Variants in AMBRA1 observed in about 807,000 individuals in gnomAD.
AMBRA1 encodes activating molecule in BECN1-regulated autophagy protein 1.
A neutral mutation model predicts 125.4 loss-of-function variants in AMBRA1; 47 were observed. That is an observed-to-expected ratio of 0.37 (90% CI 0.30 to 0.48). The LOEUF is 0.48. AMBRA1 is among the 20% of genes least tolerant of loss of function. AMBRA1 has a pLI of 0.99. For synonymous variants in AMBRA1, 626 were observed against 655.5 expected, an observed-to-expected ratio of 0.95 and a Z score of 0.69; for missense variants, 1,331 against 1,693.4, an observed-to-expected ratio of 0.79 and a Z score of 3.76.
At chr11:46,587,612 G>T (rs2044449596) in intron 1 of AMBRA1, among the ~76,000 whole-genome samples, 1 of 152,164 alleles carries the variant, frequency 6.6e-6, no homozygotes. Flanking sequence ...AGGATGCTAT[G>T]ACTGAAGACT....
chr11:46,590,828 G>T (rs1001884031), intron 1 of AMBRA1, among the ~76,000 whole-genome samples: 1 of 151,642 alleles, frequency 6.6e-6, no homozygotes, highest in African/African-American at 2.4e-5. Context: ...CAGGAGAATT[G>T]CTTCAATCCG....
intron 7 of AMBRA1, among the ~76,000 whole-genome samples, chr11:46,520,946 C>T (rs2135092567): frequency 6.6e-6 from 1 of 152,244 alleles, no homozygotes; most frequent in South Asian, 2.1e-4. Context: ...CTTCTCAAGT[C>T]ACCCAGTAAC....
At chr11:46,468,809 C>T (rs1245362332) in intron 11 of AMBRA1, among the ~76,000 whole-genome samples, 3 of 131,980 alleles carry the variant, frequency 2.3e-5, no homozygotes, top group East Asian at 2.1e-4. Flanking sequence ...AGTGAGGCTC[C>T]GTCTCAAAAA....
Position 46,397,065 on chromosome 11 carries a change from CCT to C in AMBRA1, c.*383_*384del, listed in dbSNP as rs1945493998. 1 of 169,098 alleles carries C rather than the reference CCT, an allele frequency of 5.9e-6. No individual in the cohort carries two copies. Among genetic ancestry groups the C allele is most frequent in the African/African-American group, 2.4e-5 (1 of 42,108 alleles). 10.5% of individuals were successfully genotyped at this position (169,098 alleles called of 1,614,324 possible). A position where few individuals can be genotyped will look rare whatever the true frequency, so the allele number is the denominator to read the frequency against. ...GGACAGGGCAAAGCTGCCTCGCGGG[CCT>C]CTGTCCAGGATGATTGGCCCAGATC... On this transcript the variant is annotated 3_prime_UTR_variant, in exon 18 of 18. Coordinates refer to ENST00000683756, the MANE Select transcript of AMBRA1 (RefSeq NM_001387011.1).
At chr11:46,412,861 T>G (rs368397049) in intron 15 of AMBRA1, among the ~76,000 whole-genome samples, 1 of 152,190 alleles carries the variant, frequency 6.6e-6, no homozygotes, top group African/African-American at 2.4e-5. Flanking sequence ...ATCTCTGTTT[T>G]TGGTGAGCAA....
chr11:46,528,990 C>A (rs993076893), intron 7 of AMBRA1, among the ~76,000 whole-genome samples: 1 of 152,172 alleles, frequency 6.6e-6, no homozygotes, highest in African/African-American at 2.4e-5. Context: ...ACAATGTTAA[C>A]AAGCTGCAAT....
chr11:46,551,327 T>A (rs1591099987), intron 1 of AMBRA1, among the ~76,000 whole-genome samples: 1 of 151,564 alleles, frequency 6.6e-6, no homozygotes, highest in African/African-American at 2.4e-5. Flanking sequence ...TTTTATTTTT[T>A]AAAGAAACAG....
chr11:46,530,568 A>G (rs1012269719), intron 7 of AMBRA1: 1 of 152,248 alleles, frequency 6.6e-6, no homozygotes, highest in African/African-American at 2.4e-5. Flanking sequence ...GAATCCCACA[A>G]GAGCCAATAC....
chr11:46,514,302 C>T (rs1951386735), intron 7 of AMBRA1, among the ~76,000 whole-genome samples: 2 of 152,194 alleles, frequency 1.3e-5, no homozygotes, highest in African/African-American at 2.4e-5. Context: ...GGGGAAGAGA[C>T]ATAGCAAAGG....
chr11:46,575,079 C>T (rs565489469), intron 1 of AMBRA1, among the ~76,000 whole-genome samples: 44 of 152,210 alleles, frequency 2.9e-4, no homozygotes, highest in African/African-American at 7.7e-4. Flanking sequence ...GTTCAACTAG[C>T]ATAAACAAAC....
At chr11:46,513,260 TC>T (rs1951337161) in intron 7 of AMBRA1, among the ~76,000 whole-genome samples, 2 of 144,848 alleles carry the variant, frequency 1.4e-5, no homozygotes, top group Admixed American at 6.8e-5. Flanking sequence ...CTGCCTACGC[TC>T]TTTTTTCTTT....
At chr11:46,565,585 C>T (rs774195909) in intron 1 of AMBRA1, among the ~76,000 whole-genome samples, 2 of 151,764 alleles carry the variant, frequency 1.3e-5, no homozygotes, top group Non-Finnish European at 2.9e-5. Flanking sequence ...CATGTACCTG[C>T]GGTCCCAGTT....
chr11:46,499,962 AT>A (rs1274187732), intron 9 of AMBRA1, among the ~76,000 whole-genome samples: 1 of 151,988 alleles, frequency 6.6e-6, no homozygotes, highest in Non-Finnish European at 1.5e-5. Flanking sequence ...GACAGGGGAA[AT>A]TTTTCTAAGA....
intron 11 of AMBRA1, among the ~76,000 whole-genome samples, chr11:46,468,621 A>C (rs1949432819): frequency 6.6e-6 from 1 of 150,380 alleles, no homozygotes; most frequent in Admixed American, 6.6e-5. Context: ...ACACCGTGAA[A>C]CCCCGTCTCT....
intron 9 of AMBRA1, chr11:46,504,802 T>C (rs1334419282): frequency 6.6e-6 from 1 of 152,190 alleles, no homozygotes; most frequent in Non-Finnish European, 1.5e-5. Flanking sequence ...GGTACATCAT[T>C]TTCAAAGGTT....
At chr11:46,537,698 A>C (rs1952544428) in intron 7 of AMBRA1, among the ~76,000 whole-genome samples, 1 of 152,222 alleles carries the variant, frequency 6.6e-6, no homozygotes, top group African/African-American at 2.4e-5. Flanking sequence ...TGTACTGGTT[A>C]TTACCACTTG....
chr11:46,553,579 T>C (rs1056801628), intron 1 of AMBRA1, among the ~76,000 whole-genome samples: 2 of 151,938 alleles, frequency 1.3e-5, no homozygotes, highest in Non-Finnish European at 2.9e-5. Flanking sequence ...ACCCTGTCTC[T>C]ACTAAAAATA....
chr11:46,583,658 A>C (rs2044258890), intron 1 of AMBRA1, among the ~76,000 whole-genome samples: 2 of 128,576 alleles, frequency 1.6e-5, no homozygotes, highest in Non-Finnish European at 3.1e-5. Flanking sequence ...TTTCCAAAAA[A>C]AAAAAAAAAA....
At chr11:46,445,531 A>G (rs1255001761) in intron 11 of AMBRA1, among the ~76,000 whole-genome samples, 1 of 152,190 alleles carries the variant, frequency 6.6e-6, no homozygotes, top group African/African-American at 2.4e-5. Context: ...GAGGAGGGTA[A>G]GATACCTGAA....
Sources: gnomAD v4.1 joint callset for allele counts (sites outside exome capture counted in the v4.1 genomes callset) on GRCh38, gnomAD v4.1.1 for gene constraint, MANE v1.5 for transcripts, NCBI Gene and HGNC (gene_info 2026-07-23, HGNC 2026-07-21) for gene names.